Variants in TANC2 observed in about 807,000 individuals in gnomAD.
TANC2 encodes the protein protein TANC2.
In TANC2, 26 loss-of-function variants were observed where a neutral mutation model predicts 210.5. The ratio of observed to expected loss-of-function variants is 0.12; its 90% confidence interval spans 0.09 to 0.17. The LOEUF (loss-of-function observed/expected upper bound fraction) is 0.17. Ranked by LOEUF, TANC2 falls within the 10% of genes least tolerant of loss-of-function variation. TANC2 has a pLI of 1.00. For synonymous variants in TANC2, 931 were observed against 967.1 expected, an observed-to-expected ratio of 0.96 and a Z score of 0.69; for missense variants, 2,129 against 2,608.9, an observed-to-expected ratio of 0.82 and a Z score of 4.01.
At chr17:63,218,533 C>T (rs2042083559) in intron 7 of TANC2, among the ~76,000 whole-genome samples, 1 of 152,008 alleles carries the variant, frequency 6.6e-6, no homozygotes, top group African/African-American at 2.4e-5. Flanking sequence ...AAAAGTAGAA[C>T]TGTCACTATT....
intron 15 of TANC2, among the ~76,000 whole-genome samples, chr17:63,388,300 C>T (rs1309375042): frequency 1.3e-5 from 2 of 152,158 alleles, no homozygotes; most frequent in Non-Finnish European, 2.9e-5. Context: ...TGCATTATTT[C>T]TGCCACAGTG....
intron 7 of TANC2, among the ~76,000 whole-genome samples, chr17:63,236,335 G>C (rs2042618973): frequency 6.6e-6 from 1 of 152,094 alleles, no homozygotes; most frequent in East Asian, 1.9e-4. Context: ...TGAAATATGT[G>C]AGAGATGACT....
At chr17:63,294,091 T>C (rs537367077) in intron 9 of TANC2, among the ~76,000 whole-genome samples, 1 of 152,346 alleles carries the variant, frequency 6.6e-6, no homozygotes, top group East Asian at 1.9e-4. Flanking sequence ...ACAGAAACTT[T>C]CCTAGAAGGA....
intron 5 of TANC2, among the ~76,000 whole-genome samples, chr17:63,163,973 A>C (rs376082060): frequency 1.3e-5 from 2 of 152,206 alleles, no homozygotes; most frequent in East Asian, 1.9e-4. Flanking sequence ...ATAATGTTAT[A>C]CTTTGAAAAT....
intron 9 of TANC2, among the ~76,000 whole-genome samples, chr17:63,310,302 C>T (rs908720849): frequency 1.3e-5 from 2 of 152,034 alleles, no homozygotes; most frequent in African/African-American, 4.8e-5. Context: ...CAAAAATTAG[C>T]CTGGTGTCGT....
intron 8 of TANC2, among the ~76,000 whole-genome samples, chr17:63,261,146 A>T (rs745933048): frequency 1.6e-4 from 24 of 152,236 alleles, no homozygotes; most frequent in Middle Eastern, 3.4e-3. Flanking sequence ...TCGGAGGCTG[A>T]GGCAGGAGTA....
At chr17:63,296,861 TATTC>T (rs2044550754) in intron 9 of TANC2, among the ~76,000 whole-genome samples, 1 of 152,072 alleles carries the variant, frequency 6.6e-6, no homozygotes, top group South Asian at 2.1e-4. Flanking sequence ...CAGTTGGAAT[TATTC>T]AGTCTAAAGA....
intron 2 of TANC2, among the ~76,000 whole-genome samples, chr17:63,064,239 G>C (rs773801897): frequency 6.6e-6 from 1 of 152,048 alleles, no homozygotes; most frequent in Non-Finnish European, 1.5e-5. Context: ...AGGATTGCTT[G>C]AGCCCAAGAA....
At chr17:63,331,835 AGTGTGT>A (rs72378149) in intron 11 of TANC2, 158 of 151,490 alleles carry the variant, frequency 1.0e-3, no homozygotes, top group Middle Eastern at 3.0e-3. Flanking sequence ...GTAAGATAAG[AGTGTGT>A]GTGTGTGTGT....
At chr17:63,098,511 G>C (rs148908670) in intron 3 of TANC2, among the ~76,000 whole-genome samples, 4,876 of 72,506 alleles carry the variant, frequency 0.067, 260 homozygotes, top group Non-Finnish European at 0.086. Context: ...CTCTCTCTCT[G>C]TGTGTATATA....
At chr17:63,271,246 A>C (rs1016247503) in intron 9 of TANC2, among the ~76,000 whole-genome samples, 1 of 152,026 alleles carries the variant, frequency 6.6e-6, no homozygotes, top group Non-Finnish European at 1.5e-5. Flanking sequence ...ACTGTTTTCC[A>C]CAGTGGTTGA....
intron 14 of TANC2, among the ~76,000 whole-genome samples, chr17:63,371,201 A>C (rs2047258438): frequency 6.6e-6 from 1 of 152,142 alleles, no homozygotes; most frequent in South Asian, 2.1e-4. Flanking sequence ...ACGGTGGCTC[A>C]CGCCTGTAAT....
At chr17:63,063,873 A>G (rs2036099928) in intron 2 of TANC2, among the ~76,000 whole-genome samples, 2 of 152,056 alleles carry the variant, frequency 1.3e-5, no homozygotes, top group Non-Finnish European at 1.5e-5. Context: ...TAATTTTTTG[A>G]TGGCCCAGAG....
At chr17:63,164,432 C>T (rs17683477) in intron 5 of TANC2, among the ~76,000 whole-genome samples, 90,945 of 151,958 alleles carry the variant, frequency 0.6, 29,700 homozygotes, top group African/African-American at 0.86. Flanking sequence ...ACAGTAAATA[C>T]AAAGGAAACT....
At chr17:63,043,362 C>T (rs767370457) in intron 2 of TANC2, among the ~76,000 whole-genome samples, 17 of 152,014 alleles carry the variant, frequency 1.1e-4, no homozygotes, top group African/African-American at 3.4e-4. Context: ...CACACATATA[C>T]GCATATAAAC....
At chr17:63,365,113 C>T (rs1472732009) in intron 14 of TANC2, among the ~76,000 whole-genome samples, 2 of 152,132 alleles carry the variant, frequency 1.3e-5, no homozygotes, top group African/African-American at 4.8e-5. Context: ...GTTGTCAAAC[C>T]AAGATTAATG....
intron 2 of TANC2, among the ~76,000 whole-genome samples, chr17:63,067,742 C>T (rs2036253064): frequency 6.6e-6 from 1 of 151,924 alleles, no homozygotes; most frequent in Non-Finnish European, 1.5e-5. Context: ...AAGACAGATC[C>T]ATAGAAATTA....
At chr17:62,993,486 C>T (rs1483161715) in intron 1 of TANC2, among the ~76,000 whole-genome samples, 2 of 152,134 alleles carry the variant, frequency 1.3e-5, no homozygotes, top group African/African-American at 4.8e-5. Flanking sequence ...TTAGGTCTTC[C>T]TTAATTTCTT....
intron 2 of TANC2, among the ~76,000 whole-genome samples, chr17:63,063,568 GTGTGTGT>G (rs1393740962): frequency 0.02 from 2,417 of 120,548 alleles, 85 homozygotes; most frequent in African/African-American, 0.084. Context: ...GTGTGTGTGT[GTGTGTGT>G]AGATATATCT....
Sources: gnomAD v4.1 joint callset for allele counts (sites outside exome capture counted in the v4.1 genomes callset) on GRCh38, gnomAD v4.1.1 for gene constraint, MANE v1.5 for transcripts, NCBI Gene and HGNC (gene_info 2026-07-23, HGNC 2026-07-21) for gene names.